Variants in KCNIP4 observed in about 807,000 individuals in gnomAD.
KCNIP4 encodes the protein potassium voltage-gated channel interacting protein 4, also known as Kv channel-interacting protein 4.
Under a neutral mutation model 34.0 loss-of-function variants are expected in KCNIP4, and 12 were observed. That is an observed-to-expected ratio of 0.35 (90% CI 0.23 to 0.57). KCNIP4 has a LOEUF of 0.57. Among genes scored for constraint, KCNIP4 ranks in the 20% least tolerant of loss-of-function variants. The probability of loss-of-function intolerance (pLI) is 0.83; values close to 1 mark genes in which losing one functional copy is unlikely to be tolerated. For missense variants in KCNIP4, 238 were observed against 311.7 expected (o/e 0.76, Z 1.78); for synonymous variants, 124 against 102.2 (o/e 1.21, Z -1.29).
chr4:21,079,818 A>G (rs1020374167), intron 1 of KCNIP4, among the ~76,000 whole-genome samples: 2 of 151,804 alleles, frequency 1.3e-5, no homozygotes, highest in African/African-American at 4.9e-5. Flanking sequence ...ATGTGATACC[A>G]GGAAGCAGAG....
chr4:21,717,049 C>G (rs1288787794), intron 1 of KCNIP4, among the ~76,000 whole-genome samples: 3 of 152,136 alleles, frequency 2.0e-5, no homozygotes, highest in Non-Finnish European at 2.9e-5. Flanking sequence ...CAAATCTCAC[C>G]TTTCTCTCTT....
intron 1 of KCNIP4, among the ~76,000 whole-genome samples, chr4:21,629,825 C>T (rs1423492358): frequency 6.9e-6 from 1 of 144,712 alleles, no homozygotes; most frequent in Non-Finnish European, 1.5e-5. Context: ...TGTCAGAAAA[C>T]CATATTTCCT....
intron 1 of KCNIP4, among the ~76,000 whole-genome samples, chr4:21,871,367 C>T (rs1346160557): frequency 6.7e-6 from 1 of 150,330 alleles, no homozygotes; most frequent in Non-Finnish European, 1.5e-5. Context: ...GCACTATTCA[C>T]AATAGCAAAG....
chr4:20,941,272 A>T (rs1460480560), intron 1 of KCNIP4, among the ~76,000 whole-genome samples: 1 of 152,202 alleles, frequency 6.6e-6, no homozygotes, highest in African/African-American at 2.4e-5. Context: ...ACATGAAATA[A>T]TTTTTCCAAC....
chr4:20,993,234 T>A (rs190585921), intron 1 of KCNIP4, among the ~76,000 whole-genome samples: 1 of 152,120 alleles, frequency 6.6e-6, no homozygotes, highest in African/African-American at 2.4e-5. Flanking sequence ...TATGAAGATG[T>A]CTATATAATA....
chr4:21,423,553 A>C (rs1377806693), intron 1 of KCNIP4, among the ~76,000 whole-genome samples: 1 of 152,234 alleles, frequency 6.6e-6, no homozygotes, highest in Non-Finnish European at 1.5e-5. Context: ...AAGGTAACAA[A>C]TTAGTGATTA....
chr4:20,810,077 C>T (rs1312796466), intron 3 of KCNIP4, among the ~76,000 whole-genome samples: 3 of 152,164 alleles, frequency 2.0e-5, no homozygotes, highest in Admixed American at 6.5e-5. Context: ...TGTCTGTGAA[C>T]GACTGCAGCA....
At chr4:21,776,022 T>G (rs970079652) in intron 1 of KCNIP4, among the ~76,000 whole-genome samples, 2 of 152,214 alleles carry the variant, frequency 1.3e-5, no homozygotes, top group Non-Finnish European at 2.9e-5. Flanking sequence ...GCTGAGAGGC[T>G]GCAAGAATCT....
chr4:21,739,652 G>A (rs756256696), intron 1 of KCNIP4, among the ~76,000 whole-genome samples: 2 of 151,962 alleles, frequency 1.3e-5, no homozygotes, highest in African/African-American at 2.4e-5. Flanking sequence ...AATTACATAT[G>A]CTCAGAAAAC....
intron 3 of KCNIP4, among the ~76,000 whole-genome samples, chr4:20,818,476 G>A (rs1716695123): frequency 6.6e-6 from 1 of 152,200 alleles, no homozygotes; most frequent in Non-Finnish European, 1.5e-5. Context: ...TGTCTTGTCA[G>A]TGGACTGGCT....
intron 1 of KCNIP4, among the ~76,000 whole-genome samples, chr4:21,570,945 C>A (rs429783): frequency 0.87 from 132,441 of 152,104 alleles, 57,884 homozygotes; most frequent in East Asian, 0.99. Flanking sequence ...ATTGGTTCGA[C>A]GTGGTTGAAC....
chr4:21,294,560 T>G (rs1014269440), intron 1 of KCNIP4, among the ~76,000 whole-genome samples: 1 of 152,182 alleles, frequency 6.6e-6, no homozygotes, highest in Non-Finnish European at 1.5e-5. Flanking sequence ...TTGTGGCTAA[T>G]AAGGTTGTTT....
intron 1 of KCNIP4, among the ~76,000 whole-genome samples, chr4:21,286,103 T>C (rs922153800): frequency 1.3e-5 from 2 of 152,254 alleles, no homozygotes; most frequent in African/African-American, 2.4e-5. Context: ...GGAATTTCCA[T>C]GTCCTCCACT....
chr4:21,611,239 T>G (rs1189621644), intron 1 of KCNIP4, among the ~76,000 whole-genome samples: 2 of 152,222 alleles, frequency 1.3e-5, no homozygotes, highest in African/African-American at 4.8e-5. Context: ...TTGGGTTGGT[T>G]CCAAGACTTT....
At chr4:21,716,931 T>A (rs187949980) in intron 1 of KCNIP4, among the ~76,000 whole-genome samples, 2 of 152,250 alleles carry the variant, frequency 1.3e-5, no homozygotes, top group Non-Finnish European at 2.9e-5. Flanking sequence ...ACGGAAAGAA[T>A]CAAGTTCTCA....
At chr4:21,461,362 G>C (rs999936127) in intron 1 of KCNIP4, among the ~76,000 whole-genome samples, 2 of 151,780 alleles carry the variant, frequency 1.3e-5, no homozygotes, top group Non-Finnish European at 2.9e-5. Context: ...ACCCAGTCTC[G>C]GGTAGTTCTT....
At chr4:21,384,275 C>T (rs979991568) in intron 1 of KCNIP4, among the ~76,000 whole-genome samples, 3 of 152,014 alleles carry the variant, frequency 2.0e-5, no homozygotes, top group Non-Finnish European at 2.9e-5. Flanking sequence ...GGGCTTTTTT[C>T]TCCTATCATC....
intron 1 of KCNIP4, among the ~76,000 whole-genome samples, chr4:21,359,870 C>T (rs1458847802): frequency 6.6e-6 from 1 of 151,936 alleles, no homozygotes; most frequent in Non-Finnish European, 1.5e-5. Context: ...GCATTTATTG[C>T]AATTCATATA....
At chr4:21,278,581 A>G (rs1014142488) in intron 1 of KCNIP4, among the ~76,000 whole-genome samples, 7 of 152,194 alleles carry the variant, frequency 4.6e-5, no homozygotes, top group African/African-American at 1.7e-4. Context: ...TAGCAGAGAC[A>G]TGGAATCAAC....
Sources: allele counts gnomAD v4.1 joint callset (sites outside exome capture counted in the v4.1 genomes callset), GRCh38; gene constraint gnomAD v4.1.1; transcripts MANE v1.5; gene names NCBI Gene and HGNC (gene_info 2026-07-23, HGNC 2026-07-21).